Variants in BRSK1 observed in about 807,000 individuals in gnomAD.
The protein encoded by BRSK1 is BR serine/threonine kinase 1, also known as serine/threonine-protein kinase BRSK1.
A neutral mutation model predicts 86.2 loss-of-function variants in BRSK1; 17 were observed. That is an observed-to-expected ratio of 0.20 (90% CI 0.14 to 0.30). The LOEUF (loss-of-function observed/expected upper bound fraction) is 0.30, where lower values mean the gene tolerates loss of function less well. BRSK1 is among the 10% of genes least tolerant of loss of function. The pLI is 1.00. For missense variants in BRSK1, 719 were observed against 1,071.9 expected, an observed-to-expected ratio of 0.67 and a Z score of 4.60; for synonymous variants, 464 against 440.1, an observed-to-expected ratio of 1.05 and a Z score of -0.68.
chr19:55,294,020 C>T lies in BRSK1; in HGVS notation c.462C>T (p.His154=), dbSNP rs1600176511. Reference sequence around the variant, plus strand: ...GAGTCCCACCTGGCTGTCTCAGCCACAGAGACCTAAAGCCCGAGAACCTGC... The same window carrying T: ...GAGTCCCACCTGGCTGTCTCAGCCATAGAGACCTAAAGCCCGAGAACCTGC... ...LDFCHSYSIC[H]RDLKPENLLL... Residue 154 remains histidine (H), a synonymous_variant, in exon 5 of 19, where the codon CAC becomes CAT. Coordinates refer to ENST00000309383, the MANE Select transcript of BRSK1 (RefSeq NM_032430.2). The surrounding 1 kb of genome is among the most constrained non-coding windows in gnomAD (Gnocchi z 4.9). 1.9e-6 allele frequency: 3 copies of T among 1,611,158 alleles called. No individual in the cohort carries two copies. The highest frequency in any genetic ancestry group is 4.5e-5 in the East Asian group (2 of 44,844).
chr19:55,286,903 C>T, intron 1 of BRSK1, 104 bp from the exon 2 acceptor site: 4 of 1,022,508 alleles, frequency 3.9e-6, no homozygotes, highest in Admixed American at 1.9e-5. Flanking sequence ...GTTAAACAGC[C>T]AGCCCAGGAG....
Position 55,303,704 on chromosome 19 carries a change from C to T in BRSK1, c.1164C>T (p.Ser388=), listed in dbSNP as rs17851414. The T allele has an allele frequency of 5.3e-3, 8,507 of 1,612,186 alleles. 380 individuals carry two copies. In the African/African-American group the frequency reaches 0.1, roughly 19 times the overall value. ...PRKRVDSPML[S]RHGKRRPERK... is the part of the protein sequence containing the mutation. The stretch of plus-strand genomic sequence containing the variant: ...AGCGTGTGGATTCTCCCATGCTGAG[C>T]CGTCACGGGAAGCGGCGACCAGAGC... Residue 388 remains serine, a synonymous_variant, in exon 12 of 19, where the codon AGC becomes AGT. Transcript: ENST00000309383. The surrounding 1 kb of genome is among the most constrained non-coding windows in gnomAD (Gnocchi z 5.1).
intron 7 of BRSK1, among the ~76,000 whole-genome samples, chr19:55,299,341 T>G (rs1425348761): frequency 1.3e-5 from 2 of 151,992 alleles, no homozygotes; most frequent in Non-Finnish European, 2.9e-5. Context: ...ATAACAAGAA[T>G]CAACTGTATT....
chr19:55,292,878 C>T (rs1021120770), intron 4 of BRSK1, among the ~76,000 whole-genome samples: 1 of 151,160 alleles, frequency 6.6e-6, no homozygotes, highest in Non-Finnish European at 1.5e-5. Context: ...CATGGTGATG[C>T]ACGCCTGTGG....
chr19:55,293,870 A>T (rs1568981693), intron 4 of BRSK1, 147 bp from the exon 5 acceptor site: 2 of 591,124 alleles, frequency 3.4e-6, no homozygotes, highest in Non-Finnish European at 5.8e-6. Flanking sequence ...TTTTAAAAAG[A>T]CCAAAATTAA....
intron 4 of BRSK1, among the ~76,000 whole-genome samples, 183 bp from the exon 5 acceptor site, chr19:55,293,834 C>T (rs185157890): frequency 4.6e-5 from 7 of 152,036 alleles, no homozygotes; most frequent in Admixed American, 4.6e-4. Flanking sequence ...TAAATACATA[C>T]ATACATATGA....
At chr19:55,297,871 A>G (rs1028268984) in intron 7 of BRSK1, among the ~76,000 whole-genome samples, 1 of 152,042 alleles carries the variant, frequency 6.6e-6, no homozygotes, top group African/African-American at 2.4e-5. Flanking sequence ...CTGGAGTGCA[A>G]TGGTGCGATC....
Position 55,302,585 on chromosome 19 carries a change from G to T in BRSK1, c.858-112G>T. On this transcript the variant is annotated intron_variant, in intron 9 of 18. Transcript: ENST00000309383. The surrounding 1 kb of genome is among the most constrained non-coding windows in gnomAD (Gnocchi z 6.3). ...CGTCTGGATTCCTGGGTATGAGAGA[G>T]AAGGGGCCGGGGCCTAGACTCGGAT... 5 of 1,385,834 alleles carry T rather than the reference G, an allele frequency of 3.6e-6. No individual in the cohort carries two copies. The South Asian group carries it at 6.9e-5, about 19-fold the overall frequency. 85.8% of individuals were successfully genotyped at this position (1,385,834 alleles called of 1,614,324 possible).
At position 55,294,278 on chromosome 19, in the gene BRSK1, G is replaced by T. The variant is rs200918462; in HGVS notation, c.609+31G>T. 1.9e-6 allele frequency: 3 copies of T among 1,614,032 alleles called. No homozygotes were observed. Among genetic ancestry groups the T allele is most frequent in the Non-Finnish European group, 2.5e-6 (3 of 1,180,034 alleles). On this transcript the variant is annotated intron_variant, in intron 6 of 18. Coordinates refer to ENST00000309383, the MANE Select transcript of BRSK1 (RefSeq NM_032430.2). The surrounding 1 kb of genome is among the most constrained non-coding windows in gnomAD (Gnocchi z 4.9). ...TGAGGGGCGGATAGAGGGGAGAGGG[G>T]TGGAGGCAGCAGTGAGGAGCGATGA...
chr19:55,296,555 A>G (rs963254211), intron 7 of BRSK1, among the ~76,000 whole-genome samples: 7 of 152,036 alleles, frequency 4.6e-5, no homozygotes, highest in Admixed American at 2.0e-4. Flanking sequence ...TTAAGAAAGT[A>G]GCCAGGCATT....
At position 55,304,548 on chromosome 19, in the gene BRSK1, C is replaced by T; in HGVS notation, c.1348-3C>T. On this transcript the variant is annotated splice_region_variant and splice_polypyrimidine_tract_variant and intron_variant, in intron 13 of 18. Transcript: ENST00000309383. The surrounding 1 kb of genome is among the most constrained non-coding windows in gnomAD (Gnocchi z 5.2). ...GCTTATCTCAGTCTCCTGTCCTCTG[C>T]AGAGTCCGGTCTTTTCCTTTTCACC... 1 of 1,574,834 alleles carries T rather than the reference C, an allele frequency of 6.3e-7. No homozygotes were observed. Among genetic ancestry groups the T allele is most frequent in the Non-Finnish European group, 8.6e-7 (1 of 1,164,400 alleles).
Position 55,287,072 on chromosome 19 carries a change from G to C in BRSK1, c.202G>C (p.Glu68Gln). 1 of 1,613,632 alleles carries C rather than the reference G, an allele frequency of 6.2e-7. No homozygotes were observed. The highest frequency in any genetic ancestry group is 1.7e-5 in the Admixed American group (1 of 59,976). Residue 68 changes from glutamate to glutamine, a missense_variant, in exon 2 of 19, where the codon GAG becomes CAG. Glu to Gln is a conservative substitution (Grantham distance 29). Coordinates refer to ENST00000309383, the MANE Select transcript of BRSK1 (RefSeq NM_032430.2). This position sits in a 1 kb window ranked among gnomAD's most constrained non-coding sequence, Gnocchi z 5.3. Reference sequence around the variant, plus strand: ...GGTCGCCATCAAGATCGTGAACCGGGAGAAGCTGTCGGAGTCGGTGCTGAT... The same window carrying C: ...GGTCGCCATCAAGATCGTGAACCGGCAGAAGCTGTCGGAGTCGGTGCTGAT... ...QKVAIKIVNR[E>Q]KLSESVLMKV...
chr19:55,284,494 CCCCACCCCCACCCCCA>C lies in BRSK1; in HGVS notation c.61_76del (p.His21SerfsTer40). ...TGGGGGCTCTCCCGCCTACCACCTC[CCCCACCCCCACCCCCA>C]CCCACCCCAGCACGCCCAATATGTG... On this transcript the variant is annotated frameshift_variant, in exon 1 of 19. Transcript: ENST00000309383. LOFTEE classifies it high-confidence loss of function. 2 of 852,224 alleles carry C rather than the reference CCCCACCCCCACCCCCA, an allele frequency of 2.3e-6. No homozygotes were observed. Among genetic ancestry groups the C allele is most frequent in the Admixed American group, 3.5e-5 (1 of 28,668 alleles). The allele number at this position is 852,224 out of a possible 1,614,324, so 52.8% of individuals were successfully genotyped here. A position where few individuals can be genotyped will look rare whatever the true frequency, so the allele number is the denominator to read the frequency against.
chr19:55,304,534 T>C lies in BRSK1; in HGVS notation c.1348-17T>C. The C allele has an allele frequency of 6.5e-7, 1 of 1,541,486 alleles. No homozygotes were observed. Among genetic ancestry groups the C allele is most frequent in the Non-Finnish European group, 8.7e-7 (1 of 1,150,772 alleles). On this transcript the variant is annotated splice_polypyrimidine_tract_variant and intron_variant, in intron 13 of 18. Transcript: ENST00000309383. The surrounding 1 kb of genome is among the most constrained non-coding windows in gnomAD (Gnocchi z 5.2). ...GTTGTAGTCCACTCGCTTATCTCAG[T>C]CTCCTGTCCTCTGCAGAGTCCGGTC... is the stretch of plus-strand genomic sequence containing the variant.
chr19:55,305,519 T>A lies in BRSK1; in HGVS notation c.1823T>A (p.Ile608Lys). Reference sequence around the variant, plus strand: ...ATCTCCTTGGACAAAGAAGAACAAATATTCCTCGTGCTAAAGGACAAACCT... The same window carrying A: ...ATCTCCTTGGACAAAGAAGAACAAAAATTCCTCGTGCTAAAGGACAAACCT... Reference protein sequence around the residue: ...NFISLDKEEQIFLVLKDKPLS... With the variant: ...NFISLDKEEQKFLVLKDKPLS... The change falls in exon 16 of 19, where the codon ATA becomes AAA. Residue 608 changes from isoleucine to lysine, a missense_variant. Coordinates refer to ENST00000309383, the MANE Select transcript of BRSK1 (RefSeq NM_032430.2). 6.2e-7 allele frequency: 1 copy of A among 1,614,092 alleles called. No homozygotes were observed. The highest frequency in any genetic ancestry group is 1.1e-5 in the South Asian group (1 of 91,080).
rs569869255 is a variant in BRSK1, at chr19:55,306,661, G to A, written c.2089+211G>A. Among the ~76,000 whole-genome samples the A allele has an allele frequency of 1.3e-4, 20 of 152,300 alleles. No individual in the cohort carries two copies. The highest frequency in any genetic ancestry group is 4.3e-4 in the African/African-American group (18 of 41,550). On this transcript the variant is annotated intron_variant, in intron 17 of 18. Coordinates refer to ENST00000309383, the MANE Select transcript of BRSK1 (RefSeq NM_032430.2). This position sits in a 1 kb window ranked among gnomAD's most constrained non-coding sequence, Gnocchi z 4.7. ...TCAGCATTTCCCTGGCATTTACAGT[G>A]TAAATAATGAATGCATTATCTCCTT...
Position 55,306,672 on chromosome 19 carries a change from A to C in BRSK1, c.2089+222A>C, listed in dbSNP as rs537558601. Among the ~76,000 whole-genome samples, 4 of 152,316 alleles carry C rather than the reference A, an allele frequency of 2.6e-5. No homozygotes were observed. In the East Asian group the frequency reaches 7.7e-4, roughly 29 times the overall value. On this transcript the variant is annotated intron_variant, in intron 17 of 18. Coordinates refer to ENST00000309383, the MANE Select transcript of BRSK1 (RefSeq NM_032430.2). This position sits in a 1 kb window ranked among gnomAD's most constrained non-coding sequence, Gnocchi z 4.7. ...CTGGCATTTACAGTGTAAATAATGA[A>C]TGCATTATCTCCTTGAAGCTTCCAA... is the stretch of plus-strand genomic sequence containing the variant.
Position 55,304,453 on chromosome 19 carries a change from ACCGGGCCAG to A in BRSK1, c.1348-96_1348-88del. On this transcript the variant is annotated intron_variant, in intron 13 of 18. Coordinates refer to ENST00000309383, the MANE Select transcript of BRSK1 (RefSeq NM_032430.2). This position sits in a 1 kb window ranked among gnomAD's most constrained non-coding sequence, Gnocchi z 5.2. The stretch of plus-strand genomic sequence containing the variant: ...ACTTGGACTACAAGTTGCAGCATGC[ACCGGGCCAG>A]CGTCCGTGAGTGTGCGTGTGAGTGG... The A allele has an allele frequency of 1.5e-5, 20 of 1,358,084 alleles. No homozygotes were observed. The highest frequency in any genetic ancestry group is 2.0e-5 in the Non-Finnish European group (20 of 1,022,040). The allele number at this position is 1,358,084 out of a possible 1,614,324, so 84.1% of individuals were successfully genotyped here.
intron 1 of BRSK1, among the ~76,000 whole-genome samples, chr19:55,286,526 T>G (rs1196575131): frequency 6.7e-6 from 1 of 149,704 alleles, no homozygotes; most frequent in Admixed American, 6.7e-5. Flanking sequence ...GGGAGGGGAT[T>G]CAGGAGGAGG....
Sources: allele counts gnomAD v4.1 joint callset (sites outside exome capture counted in the v4.1 genomes callset), GRCh38; gene constraint gnomAD v4.1.1; non-coding constraint Gnocchi (gnomAD v3.1); transcripts MANE v1.5; gene names NCBI Gene and HGNC (gene_info 2026-07-23, HGNC 2026-07-21).